Variants in SUPT3H observed in about 807,000 individuals in gnomAD.
The protein encoded by SUPT3H is transcription initiation protein SPT3 homolog.
In SUPT3H, 44 loss-of-function variants were observed where a neutral mutation model predicts 44.3. The observed-to-expected ratio is 0.99, with a 90% confidence interval of 0.78 to 1.28. SUPT3H has a LOEUF of 1.28. Ranked by LOEUF, SUPT3H falls within the 50% of genes most tolerant of loss-of-function variation. The probability of loss-of-function intolerance (pLI) is 0.00; values close to 1 mark genes in which losing one functional copy is unlikely to be tolerated. For synonymous variants in SUPT3H, 124 were observed against 125.6 expected, an observed-to-expected ratio of 0.99 and a Z score of 0.09; for missense variants, 380 against 387.1, an observed-to-expected ratio of 0.98 and a Z score of 0.15.
At chr6:45,330,403 A>T (rs1200860574) in intron 2 of SUPT3H, among the ~76,000 whole-genome samples, 4 of 152,024 alleles carry the variant, frequency 2.6e-5, no homozygotes, top group African/African-American at 9.7e-5. Flanking sequence ...CAGAGGGATA[A>T]CTTGAAACAG....
chr6:45,047,567 G>T (rs867162128), intron 3 of SUPT3H, among the ~76,000 whole-genome samples: 31 of 152,148 alleles, frequency 2.0e-4, no homozygotes, highest in African/African-American at 5.3e-4. Context: ...AGCAGCTATA[G>T]AAAGAAGGTT....
At chr6:45,265,198 G>A (rs1775053666) in intron 2 of SUPT3H, among the ~76,000 whole-genome samples, 1 of 152,092 alleles carries the variant, frequency 6.6e-6, no homozygotes, top group Non-Finnish European at 1.5e-5. Flanking sequence ...TATTATCAGT[G>A]TATTTTAAAT....
At chr6:45,342,512 G>A (rs1790009444) in intron 2 of SUPT3H, among the ~76,000 whole-genome samples, 1 of 152,048 alleles carries the variant, frequency 6.6e-6, no homozygotes, top group Admixed American at 6.6e-5. Flanking sequence ...ACCCGCCTTG[G>A]CCTCCCAAAG....
intron 2 of SUPT3H, among the ~76,000 whole-genome samples, chr6:45,242,050 C>G (rs1770446764): frequency 6.6e-6 from 1 of 152,132 alleles, no homozygotes; most frequent in Non-Finnish European, 1.5e-5. Flanking sequence ...CCAGACAGTT[C>G]CACTTGTGGA....
At chr6:45,338,239 C>G (rs984611963) in intron 2 of SUPT3H, among the ~76,000 whole-genome samples, 1 of 151,986 alleles carries the variant, frequency 6.6e-6, no homozygotes, top group Non-Finnish European at 1.5e-5. Flanking sequence ...TATGGTTCAG[C>G]ATTTGCTAAC....
Position 45,130,514 on chromosome 6 carries a change from T to C in SUPT3H, c.102-24508A>G, listed in dbSNP as rs572154314. Among the ~76,000 whole-genome samples, 75 of 152,092 alleles carry C rather than the reference T, an allele frequency of 4.9e-4. 1 individual carries two copies. In the South Asian group the frequency reaches 0.015, roughly 30 times the overall value. On this transcript the variant is annotated intron_variant, in intron 2 of 10. Transcript: ENST00000371459. Reference sequence around the variant, plus strand: ...TGTATACGAGTTTATTCCATCCTTTTTGAGGCCTAGCTCTGTAGCTGCTGG... The same window carrying C: ...TGTATACGAGTTTATTCCATCCTTTCTGAGGCCTAGCTCTGTAGCTGCTGG...
At chr6:44,891,158 C>CA (rs1195020524) in intron 10 of SUPT3H, among the ~76,000 whole-genome samples, 1 of 151,582 alleles carries the variant, frequency 6.6e-6, no homozygotes, top group Non-Finnish European at 1.5e-5. Flanking sequence ...CTTAAGAAGT[C>CA]AAAAAAAGAA....
chr6:44,880,781 C>T (rs1355095754), intron 10 of SUPT3H, among the ~76,000 whole-genome samples: 1 of 152,158 alleles, frequency 6.6e-6, no homozygotes, highest in East Asian at 1.9e-4. Flanking sequence ...ATTCAACATT[C>T]TTAAAGAAAA....
intron 2 of SUPT3H, among the ~76,000 whole-genome samples, chr6:45,287,148 C>T (rs528111840): frequency 2.6e-5 from 4 of 151,766 alleles, no homozygotes; most frequent in African/African-American, 4.8e-5. Flanking sequence ...TGTTAAATGA[C>T]GAGTTAATGG....
chr6:45,019,215 A>T (rs1273994965), intron 4 of SUPT3H, among the ~76,000 whole-genome samples: 6 of 151,746 alleles, frequency 4.0e-5, no homozygotes, highest in African/African-American at 1.4e-4. Flanking sequence ...ATTTTTTATT[A>T]TGTCTATTTG....
At chr6:45,034,892 C>T (rs1344985461) in intron 3 of SUPT3H, among the ~76,000 whole-genome samples, 1 of 152,126 alleles carries the variant, frequency 6.6e-6, no homozygotes, top group Non-Finnish European at 1.5e-5. Flanking sequence ...GACAATAACT[C>T]CTGTCTCCAC....
intron 4 of SUPT3H, among the ~76,000 whole-genome samples, chr6:45,018,894 A>G (rs1784707128): frequency 2.0e-5 from 3 of 151,742 alleles, no homozygotes; most frequent in South Asian, 2.1e-4. Context: ...CTCTTTTTCT[A>G]TTGATTGGAA....
At chr6:45,079,106 C>T (rs368258226) in intron 3 of SUPT3H, among the ~76,000 whole-genome samples, 109 of 152,144 alleles carry the variant, frequency 7.2e-4, no homozygotes, top group African/African-American at 2.6e-3. Flanking sequence ...GTAAGGAGAT[C>T]GAGACCATCT....
At chr6:45,113,422 G>C (rs146942378) in intron 2 of SUPT3H, among the ~76,000 whole-genome samples, 1,916 of 152,294 alleles carry the variant, frequency 0.013, 22 homozygotes, top group Middle Eastern at 0.024. Context: ...AATTAGCCTT[G>C]CTCTTCAAAT....
chr6:45,067,391 A>G lies in SUPT3H; in HGVS notation c.186+38531T>C, dbSNP rs557354230. ...GAAAACCTAGGCATTACCCTTCAGG[A>G]CATAGGCATGGGCAAGGACTTCATT... On this transcript the variant is annotated intron_variant, in intron 3 of 10. Transcript: ENST00000371459. 4.5e-4 allele frequency among the ~76,000 whole-genome samples: 57 copies of G among 126,640 alleles called. 6 individuals carry two copies. The South Asian group carries it at 0.013, about 29-fold the overall frequency. The allele number at this position is 126,640 out of a possible 152,430, so 83.1% of individuals were successfully genotyped here. A position where few individuals can be genotyped will look rare whatever the true frequency, so the allele number is the denominator to read the frequency against.
chr6:44,825,091 C>G (rs1467926129), downstream of SUPT3H, among the ~76,000 whole-genome samples: 1 of 152,154 alleles, frequency 6.6e-6, no homozygotes, highest in Non-Finnish European at 1.5e-5. Context: ...GTAAACAGAG[C>G]CTTCTGGGGA....
chr6:44,846,467 T>C (rs1771888399), intron 10 of SUPT3H, among the ~76,000 whole-genome samples: 1 of 152,026 alleles, frequency 6.6e-6, no homozygotes, highest in East Asian at 1.9e-4. Context: ...ATAAAGCATG[T>C]GCACCAGACT....
chr6:44,905,355 C>CA (rs1765831202), intron 10 of SUPT3H, among the ~76,000 whole-genome samples: 1 of 152,118 alleles, frequency 6.6e-6, no homozygotes, highest in Non-Finnish European at 1.5e-5. Flanking sequence ...AAAAAGTGGG[C>CA]AAAGGATACG....
intron 2 of SUPT3H, among the ~76,000 whole-genome samples, chr6:45,135,018 A>G (rs1033648321): frequency 6.6e-6 from 1 of 152,226 alleles, no homozygotes; most frequent in Non-Finnish European, 1.5e-5. Flanking sequence ...GTGCACCTGC[A>G]GAATTAGCAA....
Sources: gnomAD v4.1 joint callset for allele counts (sites outside exome capture counted in the v4.1 genomes callset) on GRCh38, gnomAD v4.1.1 for gene constraint, MANE v1.5 for transcripts, NCBI Gene and HGNC (gene_info 2026-07-23, HGNC 2026-07-21) for gene names.